INHBC: variants seen among roughly 807,000 people sequenced by gnomAD.
The protein encoded by INHBC is inhibin beta C chain.
Under a neutral mutation model 12.4 loss-of-function variants are expected in INHBC, and 10 were observed. The ratio of observed to expected loss-of-function variants is 0.81; its 90% CI spans 0.50 to 1.37. INHBC has a LOEUF of 1.37. Ranked by LOEUF, INHBC falls within the 40% of genes most tolerant of loss-of-function variation. INHBC has a pLI of 0.00. For missense variants in INHBC, 382 were observed against 439.4 expected, an observed-to-expected ratio of 0.87 and a Z score of 1.17; for synonymous variants, 147 against 171.6, an observed-to-expected ratio of 0.86 and a Z score of 1.12.
At chr12:57,448,828 T>C (rs1870643477) in intron 1 of INHBC, among the ~76,000 whole-genome samples, 1 of 152,160 alleles carries the variant, frequency 6.6e-6, no homozygotes, top group South Asian at 2.1e-4. Context: ...TTTGTGCTGG[T>C]GTAACAGAAT....
At chr12:57,441,262 G>A (rs959932191) in intron 1 of INHBC, among the ~76,000 whole-genome samples, 1 of 147,992 alleles carries the variant, frequency 6.8e-6, no homozygotes, top group Admixed American at 7.0e-5. Context: ...GCTGAGGCAA[G>A]AGAATTGCTT....
intron 1 of INHBC, among the ~76,000 whole-genome samples, chr12:57,436,323 C>T (rs1252765418): frequency 6.6e-6 from 1 of 151,172 alleles, no homozygotes; most frequent in Non-Finnish European, 1.5e-5. Context: ...TGTCACCATA[C>T]CCGGCTAATT....
intron 1 of INHBC, among the ~76,000 whole-genome samples, chr12:57,442,850 G>C (rs1476632110): frequency 6.6e-6 from 1 of 151,934 alleles, no homozygotes; most frequent in African/African-American, 2.4e-5. Flanking sequence ...AATTAGCTGG[G>C]CATGGTGGCA....
Position 57,450,129 on chromosome 12 carries a change from A to T in INHBC, c.*107A>T. Reference sequence around the variant, plus strand: ...ACCTCATTCTCTGTCCAGAATGTGGACTCCCTCTTCCTGAGCATCTTATGG... The same window carrying T: ...ACCTCATTCTCTGTCCAGAATGTGGTCTCCCTCTTCCTGAGCATCTTATGG... On this transcript the variant is annotated 3_prime_UTR_variant, in exon 2 of 2. Transcript: ENST00000309668. The T allele has an allele frequency of 8.2e-7, 1 of 1,215,512 alleles. No individual in the cohort carries two copies. The highest frequency in any genetic ancestry group is 1.1e-6 in the Non-Finnish European group (1 of 913,856). The allele number at this position is 1,215,512 out of a possible 1,614,324, so 75.3% of individuals were successfully genotyped here. A position where few individuals can be genotyped will look rare whatever the true frequency, so the allele number is the denominator to read the frequency against.
chr12:57,439,858 T>C (rs1870424390), intron 1 of INHBC, among the ~76,000 whole-genome samples: 1 of 152,176 alleles, frequency 6.6e-6, no homozygotes, highest in Non-Finnish European at 1.5e-5. Flanking sequence ...TGTTTTAGAG[T>C]TGGTCTTGCT....
rs779266244 is a variant in INHBC at position 57,449,262 on chromosome 12, T to C, written c.314-15T>C. ...GTCAGAAGGCCGCAATGACTGGGGC[T>C]TCTTATGTCCACAGGCCTCTCCACC... On this transcript the variant is annotated splice_polypyrimidine_tract_variant and intron_variant, in intron 1 of 1. Transcript: ENST00000309668. The C allele has an allele frequency of 1.3e-6, 2 of 1,598,058 alleles. No homozygotes were observed. Among genetic ancestry groups the C allele is most frequent in the Admixed American group, 1.8e-5 (1 of 57,032 alleles).
Position 57,449,597 on chromosome 12 carries a change from C to A in INHBC, c.634C>A (p.Leu212Met), listed in dbSNP as rs34137943. The change falls in exon 2 of 2, where the codon CTG becomes ATG. Residue 212 changes from leucine to methionine, a missense_variant. By Grantham distance (15) the Leu-to-Met change is conservative. Transcript: ENST00000309668. ...CCAGGTAGCCCAGAGCTCAGTCATCCTGGGTGGAGCTGCCCATAGGCCTTT... is the reference window on the plus strand; with the variant it reads ...CCAGGTAGCCCAGAGCTCAGTCATCATGGGTGGAGCTGCCCATAGGCCTTT... The part of the protein sequence containing the change: ...EGQVAQSSVI[L>M]GGAAHRPFVA... The A allele has an allele frequency of 6.2e-7, 1 of 1,614,226 alleles. No homozygotes were observed. Among genetic ancestry groups the A allele is most frequent in the Non-Finnish European group, 8.5e-7 (1 of 1,180,026 alleles).
intron 1 of INHBC, among the ~76,000 whole-genome samples, chr12:57,440,303 C>G (rs1201317319): frequency 1.4e-5 from 2 of 144,874 alleles, no homozygotes; most frequent in Non-Finnish European, 3.0e-5. Context: ...AATATTTTCT[C>G]TAAATTCTGT....
intron 1 of INHBC, among the ~76,000 whole-genome samples, chr12:57,447,892 A>AAAAAAATAACTATAT (rs1555325179): frequency 5.0e-5 from 1 of 19,852 alleles, no homozygotes; most frequent in South Asian, 2.9e-3. Flanking sequence ...AAAAAAAAAA[A>AAAAAAATAACTATAT]ATATATATAT....
chr12:57,443,732 A>T (rs1825075089), intron 1 of INHBC, among the ~76,000 whole-genome samples: 1 of 152,206 alleles, frequency 6.6e-6, no homozygotes, highest in African/African-American at 2.4e-5. Flanking sequence ...TTGGGAAAAG[A>T]ATCCTGATGT....
rs1327515243 is a variant in INHBC at position 57,449,462 on chromosome 12, C to G, written c.499C>G (p.Gln167Glu). The G allele has an allele frequency of 2.5e-6, 4 of 1,614,096 alleles. No homozygotes were observed. Among genetic ancestry groups the G allele is most frequent in the Non-Finnish European group, 3.4e-6 (4 of 1,180,036 alleles). ...TAATACCAACCTCACCTTGGCTACT[C>G]AGTACCTGCTGGAGGTGGATGCCAG... ...PHNTNLTLAT[Q>E]YLLEVDASGW... Residue 167 changes from glutamine (Q) to glutamate (E), a missense_variant, in exon 2 of 2, where the codon CAG (glutamine) becomes GAG (glutamate). By Grantham distance (29) the Gln-to-Glu change is conservative. Transcript: ENST00000309668.
chr12:57,445,825 A>G (rs960298931), intron 1 of INHBC, among the ~76,000 whole-genome samples: 3 of 148,374 alleles, frequency 2.0e-5, no homozygotes, highest in Non-Finnish European at 4.4e-5. Context: ...GGCTCACTGC[A>G]ACCTCTGCCT....
At chr12:57,445,026 TGAG>T (rs1870545867) in intron 1 of INHBC, among the ~76,000 whole-genome samples, 1 of 152,080 alleles carries the variant, frequency 6.6e-6, no homozygotes, top group East Asian at 1.9e-4. Context: ...GAAGCCTCTC[TGAG>T]GAGGAGACAT....
chr12:57,447,981 TATACACACATGC>T (rs1383754955), intron 1 of INHBC, among the ~76,000 whole-genome samples: 1 of 142,216 alleles, frequency 7.0e-6, no homozygotes, highest in Non-Finnish European at 1.5e-5. Context: ...TATACATATA[TATACACACATGC>T]ATACACACAT....
chr12:57,436,608 GT>G (rs1482552964), intron 1 of INHBC, among the ~76,000 whole-genome samples: 1 of 151,106 alleles, frequency 6.6e-6, no homozygotes, highest in Non-Finnish European at 1.5e-5. Flanking sequence ...AGCCTCCCAA[GT>G]AGCTGGGACT....
At position 57,449,689 on chromosome 12, in the gene INHBC, A is replaced by AG. The variant is rs766361229; in HGVS notation, c.729dup (p.Ser244ValfsTer15). 1 of 1,614,250 alleles carries AG rather than the reference A, an allele frequency of 6.2e-7. No homozygotes were observed. Among genetic ancestry groups the AG allele is most frequent in the Non-Finnish European group, 8.5e-7 (1 of 1,180,044 alleles). On this transcript the variant is annotated frameshift_variant, in exon 2 of 2. Transcript: ENST00000309668. LOFTEE classifies it high-confidence loss of function. ...ACCGACGAGGCATCGACTGCCAAGG[A>AG]GGGTCCAGGATGTGCTGTCGACAAG...
chr12:57,443,006 A>G (rs1870499133), intron 1 of INHBC, among the ~76,000 whole-genome samples: 1 of 151,744 alleles, frequency 6.6e-6, no homozygotes, highest in Non-Finnish European at 1.5e-5. Context: ...AAAAAAAAAA[A>G]AGAACCTTAT....
At position 57,435,637 on chromosome 12, in the gene INHBC, A is replaced by T. The variant is rs199571637; in HGVS notation, c.313+438A>T. On this transcript the variant is annotated intron_variant, in intron 1 of 1. Coordinates refer to ENST00000309668, the MANE Select transcript of INHBC (RefSeq NM_005538.4). The stretch of plus-strand genomic sequence containing the variant: ...TTTGAGTAAAAGAAGAAAAAATAAA[A>T]CACCAGGACTGCAATACCTCACCAT... Among the ~76,000 whole-genome samples the T allele has an allele frequency of 2.5e-4, 38 of 152,176 alleles. No homozygotes were observed. In the East Asian group the frequency reaches 6.0e-3, roughly 24 times the overall value.
intron 1 of INHBC, among the ~76,000 whole-genome samples, chr12:57,448,567 TA>T (rs10577805): frequency 0.43 from 51,818 of 120,854 alleles, 10,883 homozygotes; most frequent in Middle Eastern, 0.78. Context: ...AGACTCCGTC[TA>T]AAAAAAAAAA....
Sources: allele counts gnomAD v4.1 joint callset (sites outside exome capture counted in the v4.1 genomes callset), GRCh38; gene constraint gnomAD v4.1.1; transcripts MANE v1.5; gene names NCBI Gene and HGNC (gene_info 2026-07-23, HGNC 2026-07-21).